MAST4: variants seen among roughly 807,000 people sequenced by gnomAD.
MAST4 encodes the protein microtubule-associated serine/threonine-protein kinase 4.
Under a neutral mutation model 162.7 loss-of-function variants are expected in MAST4, and 89 were observed. That is an observed-to-expected ratio of 0.55 (90% CI 0.46 to 0.65). The LOEUF is 0.65. Ranked by LOEUF, MAST4 falls within the 30% of genes least tolerant of loss-of-function variation. The pLI, the probability that MAST4 is intolerant of heterozygous loss-of-function variation, is 0.00. For missense variants in MAST4, 3,153 were observed against 3,374.0 expected, an observed-to-expected ratio of 0.93 and a Z score of 1.62; for synonymous variants, 1,479 against 1,361.1, an observed-to-expected ratio of 1.09 and a Z score of -1.91.
intron 4 of MAST4, among the ~76,000 whole-genome samples, chr5:67,014,444 C>T (rs1373194606): frequency 6.6e-6 from 1 of 152,138 alleles, no homozygotes; most frequent in Non-Finnish European, 1.5e-5. Flanking sequence ...ATGGATTCTG[C>T]AAAATAAGCC....
At chr5:66,835,458 T>C (rs1384930266) in intron 3 of MAST4, among the ~76,000 whole-genome samples, 1 of 152,110 alleles carries the variant, frequency 6.6e-6, no homozygotes, top group Non-Finnish European at 1.5e-5. Context: ...TGGTTTTATT[T>C]ATTATATAAA....
intron 3 of MAST4, among the ~76,000 whole-genome samples, chr5:66,862,620 A>G (rs1760202033): frequency 6.6e-6 from 1 of 152,238 alleles, no homozygotes; most frequent in Admixed American, 6.5e-5. Context: ...AATGTTTTCT[A>G]AATAGTTTGT....
chr5:66,904,106 T>G (rs903726893), intron 4 of MAST4, among the ~76,000 whole-genome samples: 1 of 152,232 alleles, frequency 6.6e-6, no homozygotes, highest in Non-Finnish European at 1.5e-5. Flanking sequence ...ACCCATATTT[T>G]GAATGTAAGT....
At chr5:66,617,247 C>T (rs12516297) in intron 1 of MAST4, among the ~76,000 whole-genome samples, 3,342 of 152,258 alleles carry the variant, frequency 0.022, 77 homozygotes, top group Admixed American at 0.079. Context: ...GCTAATGCAT[C>T]GTAGCATGCT....
intron 4 of MAST4, among the ~76,000 whole-genome samples, chr5:66,974,518 G>C (rs540744037): frequency 2.6e-5 from 4 of 152,212 alleles, no homozygotes; most frequent in Non-Finnish European, 4.4e-5. Context: ...GGTTCTGGTA[G>C]TATTCAGAAG....
intron 4 of MAST4, among the ~76,000 whole-genome samples, chr5:66,945,508 T>C (rs915498157): frequency 3.9e-4 from 59 of 152,068 alleles, no homozygotes; most frequent in African/African-American, 1.2e-3. Flanking sequence ...CTGTGCCCCA[T>C]GAAGGTAACT....
At chr5:67,096,768 G>T (rs1250461521) in intron 7 of MAST4, among the ~76,000 whole-genome samples, 1 of 152,062 alleles carries the variant, frequency 6.6e-6, no homozygotes, top group Non-Finnish European at 1.5e-5. Context: ...GTATTTCATT[G>T]AGCAGAGGTA....
chr5:66,628,346 T>C (rs569397427), intron 1 of MAST4, among the ~76,000 whole-genome samples: 1 of 151,308 alleles, frequency 6.6e-6, no homozygotes, highest in South Asian at 2.1e-4. Context: ...TTTTCTTTTT[T>C]TTTTTTTTTT....
chr5:66,872,282 G>T (rs1760992314), intron 3 of MAST4, among the ~76,000 whole-genome samples: 1 of 152,124 alleles, frequency 6.6e-6, no homozygotes, highest in Non-Finnish European at 1.5e-5. Context: ...TGATTCTCCT[G>T]TCTCAGCCTC....
intron 14 of MAST4, among the ~76,000 whole-genome samples, chr5:67,126,070 C>G (rs1768192300): frequency 1.3e-5 from 2 of 152,012 alleles, no homozygotes. Context: ...TCATATCCTT[C>G]TCCCACTTTT....
At chr5:66,796,188 T>A (rs1755638266) in intron 3 of MAST4, among the ~76,000 whole-genome samples, 1 of 152,166 alleles carries the variant, frequency 6.6e-6, no homozygotes, top group South Asian at 2.1e-4. Flanking sequence ...GTAATCCAAC[T>A]GCTATCTCTG....
chr5:67,074,646 C>T (rs1319537769), intron 5 of MAST4, among the ~76,000 whole-genome samples: 1 of 151,998 alleles, frequency 6.6e-6, no homozygotes, highest in Non-Finnish European at 1.5e-5. Flanking sequence ...TATCTAATAG[C>T]ATAGGAAGAT....
intron 3 of MAST4, among the ~76,000 whole-genome samples, chr5:66,854,624 G>A (rs1297269700): frequency 6.6e-6 from 1 of 152,074 alleles, no homozygotes; most frequent in African/African-American, 2.4e-5. Flanking sequence ...GCAAGAGAGG[G>A]CAGTCCCTCC....
intron 1 of MAST4, among the ~76,000 whole-genome samples, chr5:66,751,457 A>G (rs1304245348): frequency 6.6e-6 from 1 of 152,080 alleles, no homozygotes; most frequent in Non-Finnish European, 1.5e-5. Context: ...AAAGGAGCTG[A>G]TGGAGCTGAA....
intron 6 of MAST4, among the ~76,000 whole-genome samples, chr5:67,091,490 C>T (rs1167847278): frequency 1.3e-5 from 2 of 152,140 alleles, no homozygotes. Flanking sequence ...AGAAAATGTA[C>T]TGGTCCCAGA....
intron 4 of MAST4, among the ~76,000 whole-genome samples, chr5:66,955,462 T>C (rs1415504374): frequency 1.3e-5 from 2 of 152,118 alleles, no homozygotes; most frequent in Non-Finnish European, 2.9e-5. Flanking sequence ...ACATACCATA[T>C]GGAGCTTTAG....
At chr5:66,785,230 C>CA (rs968923750) in intron 2 of MAST4, among the ~76,000 whole-genome samples, 15 of 152,046 alleles carry the variant, frequency 9.9e-5, no homozygotes, top group Non-Finnish European at 1.6e-4. Context: ...GACCCTGTCT[C>CA]AAAAAACAAA....
intron 1 of MAST4, among the ~76,000 whole-genome samples, chr5:66,667,588 T>C (rs1182902554): frequency 2.6e-5 from 4 of 152,226 alleles, no homozygotes; most frequent in African/African-American, 9.6e-5. Flanking sequence ...GAGTCATAGT[T>C]GGTCGCCAAT....
At chr5:66,990,441 C>A (rs767940235) in intron 4 of MAST4, among the ~76,000 whole-genome samples, 2 of 152,038 alleles carry the variant, frequency 1.3e-5, no homozygotes, top group Non-Finnish European at 2.9e-5. Flanking sequence ...GTCAAGACCA[C>A]CCTGGGAAAA....
Sources: gnomAD v4.1 joint callset for allele counts (sites outside exome capture counted in the v4.1 genomes callset) on GRCh38, gnomAD v4.1.1 for gene constraint, MANE v1.5 for transcripts, NCBI Gene and HGNC (gene_info 2026-07-23, HGNC 2026-07-21) for gene names.